Variants in ACTR3C observed in about 807,000 individuals in gnomAD.
ACTR3C encodes the protein actin-related protein 3C.
In ACTR3C, 18 loss-of-function variants were observed where a neutral mutation model predicts 26.3. The ratio of observed to expected loss-of-function variants is 0.68; its 90% CI spans 0.47 to 1.01. ACTR3C has a LOEUF of 1.01. Ranked by LOEUF, ACTR3C falls within the 50% of genes least tolerant of loss-of-function variation. ACTR3C has a pLI of 0.00. For synonymous variants in ACTR3C, 55 were observed against 94.5 expected (o/e 0.58, Z 2.42); for missense variants, 184 against 250.7 (o/e 0.73, Z 1.80).
At chr7:150,201,915 C>T in the ACTR3C span, among the ~76,000 whole-genome samples, 1 of 152,096 alleles carries the variant, frequency 6.6e-6, no homozygotes, top group South Asian at 2.1e-4. Flanking sequence ...GGAAAGTGCA[C>T]ATTTTTCTGC....
At chr7:149,902,243 T>C in the ACTR3C span, among the ~76,000 whole-genome samples, 16 of 151,690 alleles carry the variant, frequency 1.1e-4, no homozygotes, top group African/African-American at 3.9e-4. Flanking sequence ...AATTCCTATC[T>C]TATGCAAACT....
chr7:149,959,814 A>G, the ACTR3C span, among the ~76,000 whole-genome samples: 1 of 152,216 alleles, frequency 6.6e-6, no homozygotes, highest in Non-Finnish European at 1.5e-5. Context: ...AGGGCTTCAT[A>G]AGAATGTCCC....
the ACTR3C span, among the ~76,000 whole-genome samples, chr7:149,939,521 G>C: frequency 6.6e-6 from 1 of 152,144 alleles, no homozygotes; most frequent in African/African-American, 2.4e-5. Flanking sequence ...GACAACTAGA[G>C]AATGACTTCC....
chr7:150,179,452 A>G, the ACTR3C span, among the ~76,000 whole-genome samples: 1 of 147,418 alleles, frequency 6.8e-6, no homozygotes. Flanking sequence ...GTAAATCACT[A>G]TTAAAATCAA....
At chr7:150,164,345 C>A in the ACTR3C span, among the ~76,000 whole-genome samples, 1 of 152,168 alleles carries the variant, frequency 6.6e-6, no homozygotes, top group Non-Finnish European at 1.5e-5. Flanking sequence ...TTCAGCCGGA[C>A]AAGACCACCA....
intron 1 of ACTR3C, among the ~76,000 whole-genome samples, chr7:150,318,411 C>T (rs1042630978): frequency 6.6e-6 from 1 of 152,122 alleles, no homozygotes; most frequent in African/African-American, 2.4e-5. Context: ...TTTAGGCTAC[C>T]CTGTTTGTGG....
chr7:150,143,959 G>A, the ACTR3C span, among the ~76,000 whole-genome samples: 9 of 152,200 alleles, frequency 5.9e-5, no homozygotes, highest in African/African-American at 1.7e-4. Context: ...TAGGGCCTCC[G>A]GTGTAGCTTC....
the ACTR3C span, among the ~76,000 whole-genome samples, chr7:150,196,026 T>C: frequency 6.6e-6 from 1 of 152,242 alleles, no homozygotes; most frequent in African/African-American, 2.4e-5. Flanking sequence ...TCCTATTTTG[T>C]TCTTCAGCAA....
At chr7:150,037,202 T>G in the ACTR3C span, among the ~76,000 whole-genome samples, 4 of 45,602 alleles carry the variant, frequency 8.8e-5, 1 homozygote, top group African/African-American at 1.9e-4. Flanking sequence ...GAAGAGGGGA[T>G]AGCTCTCAGT....
At chr7:150,190,495 G>A in the ACTR3C span, among the ~76,000 whole-genome samples, 1 of 152,164 alleles carries the variant, frequency 6.6e-6, no homozygotes, top group African/African-American at 2.4e-5. Flanking sequence ...AATTTTCATA[G>A]ATTAAATTTA....
At chr7:150,152,255 A>G in the ACTR3C span, among the ~76,000 whole-genome samples, 1 of 152,150 alleles carries the variant, frequency 6.6e-6, no homozygotes, top group Non-Finnish European at 1.5e-5. Context: ...TTGCCCATTC[A>G]GTATGATATT....
the ACTR3C span, among the ~76,000 whole-genome samples, chr7:150,029,406 A>AAC: frequency 6.0e-5 from 6 of 99,728 alleles, no homozygotes; most frequent in African/African-American, 2.2e-4. Context: ...TCAAAAACAA[A>AAC]AAAAAAAAAA....
At chr7:150,288,016 C>T (rs1248229099) in intron 4 of ACTR3C, among the ~76,000 whole-genome samples, 3 of 146,752 alleles carry the variant, frequency 2.0e-5, no homozygotes, top group African/African-American at 7.9e-5. Flanking sequence ...GGCCTGTTCG[C>T]GACCACAGAA....
At chr7:150,128,778 T>C in the ACTR3C span, among the ~76,000 whole-genome samples, 423 of 151,138 alleles carry the variant, frequency 2.8e-3, 2 homozygotes, top group South Asian at 0.013. Context: ...AATAAGAACA[T>C]AGGAAAAATA....
chr7:149,886,165 T>G, the ACTR3C span, among the ~76,000 whole-genome samples: 1 of 152,380 alleles, frequency 6.6e-6, no homozygotes, highest in East Asian at 1.9e-4. Context: ...TGCCAGGATC[T>G]CAGCTTCCTT....
chr7:149,905,296 C>G, the ACTR3C span, among the ~76,000 whole-genome samples: 2 of 152,044 alleles, frequency 1.3e-5, no homozygotes, highest in African/African-American at 4.8e-5. Context: ...ATGGTACCTC[C>G]ATATGATCAA....
chr7:149,903,642 A>G, the ACTR3C span, among the ~76,000 whole-genome samples: 1 of 151,520 alleles, frequency 6.6e-6, no homozygotes, highest in East Asian at 1.9e-4. Context: ...CCTGGGCTCA[A>G]GCAATCATCC....
chr7:149,883,540 G>A, the ACTR3C span, among the ~76,000 whole-genome samples: 1 of 152,192 alleles, frequency 6.6e-6, no homozygotes, highest in African/African-American at 2.4e-5. Context: ...AGAAAAAAAA[G>A]TAAAGGTAAC....
the ACTR3C span, among the ~76,000 whole-genome samples, chr7:149,940,134 T>TCTAC: frequency 5.3e-5 from 8 of 152,126 alleles, no homozygotes; most frequent in Admixed American, 3.3e-4. Flanking sequence ...GGGTTATCTA[T>TCTAC]CTACCTACCT....
Sources: gnomAD v4.1 joint callset for allele counts (sites outside exome capture counted in the v4.1 genomes callset) on GRCh38, gnomAD v4.1.1 for gene constraint, MANE v1.5 for transcripts, NCBI Gene and HGNC (gene_info 2026-07-23, HGNC 2026-07-21) for gene names.